The following COL19A1 variants were observed in gnomAD, a reference collection of about 807,000 sequenced individuals.
COL19A1 encodes the protein collagen alpha-1(XIX) chain.
In COL19A1, 159 loss-of-function variants were observed where a neutral mutation model predicts 190.2. The ratio of observed to expected loss-of-function variants is 0.84; its 90% CI spans 0.73 to 0.95. The LOEUF is 0.95. Ranked by LOEUF, COL19A1 falls within the 40% of genes least tolerant of loss-of-function variation. COL19A1 has a pLI of 0.00. For synonymous variants in COL19A1, 509 were observed against 458.9 expected (o/e 1.11, Z -1.39); for missense variants, 1,418 against 1,431.9 (o/e 0.99, Z 0.16).
intron 14 of COL19A1, among the ~76,000 whole-genome samples, chr6:70,058,535 G>A (rs1780640005): frequency 6.6e-6 from 1 of 151,948 alleles, no homozygotes; most frequent in Admixed American, 6.6e-5. Context: ...AGTGTTCCTT[G>A]TTTCACAGAT....
intron 15 of COL19A1, among the ~76,000 whole-genome samples, chr6:70,085,317 G>A (rs546426720): frequency 6.6e-6 from 1 of 152,298 alleles, no homozygotes; most frequent in South Asian, 2.1e-4. Context: ...CCTCAGTGTA[G>A]AGCTGCAGCT....
chr6:70,184,669 G>C, intron 44 of COL19A1, 34 bp from the exon 45 acceptor site: 1 of 1,521,978 alleles, frequency 6.6e-7, no homozygotes, highest in Admixed American at 1.8e-5. Flanking sequence ...TGTTAATGCA[G>C]AGTTAGAAAT....
At chr6:69,918,891 G>A (rs146880346) in intron 4 of COL19A1, among the ~76,000 whole-genome samples, 265 of 152,246 alleles carry the variant, frequency 1.7e-3, no homozygotes, top group Middle Eastern at 3.4e-3. Context: ...ATGTTCTGAC[G>A]CAGCAATATA....
intron 6 of COL19A1, among the ~76,000 whole-genome samples, chr6:69,930,787 A>G (rs1317414025): frequency 6.6e-6 from 1 of 152,218 alleles, no homozygotes; most frequent in Non-Finnish European, 1.5e-5. Context: ...CGACAGAGCA[A>G]GACTTTGTCT....
intron 16 of COL19A1, among the ~76,000 whole-genome samples, chr6:70,110,427 A>G (rs1784220111): frequency 6.6e-6 from 1 of 152,166 alleles, no homozygotes; most frequent in Non-Finnish European, 1.5e-5. Context: ...TAGGAATTTC[A>G]TTTCTTAAAA....
Position 70,130,231 on chromosome 6 carries a change from G to T in COL19A1, c.1383+8G>T, listed in dbSNP as rs956378747. ...GGCCTGAAAGGAGACAAGGTAATCA[G>T]ATTTTTTTTTTTTAGATGGAGTCTT... On this transcript the variant is annotated splice_region_variant and intron_variant, in intron 18 of 50. Transcript: ENST00000620364. 6.2e-7 allele frequency: 1 copy of T among 1,607,806 alleles called. No homozygotes were observed. Among genetic ancestry groups the T allele is most frequent in the Non-Finnish European group, 8.5e-7 (1 of 1,177,674 alleles).
At position 70,211,374 on chromosome 6, in the gene COL19A1, A is replaced by G. The variant is rs1397501965; in HGVS notation, c.*4100A>G. 2.6e-5 allele frequency among the ~76,000 whole-genome samples: 4 copies of G among 151,874 alleles called. No individual in the cohort carries two copies. Among genetic ancestry groups the G allele is most frequent in the Non-Finnish European group, 5.9e-5 (4 of 67,956 alleles). ...TGCTCTTGTTCTTAAATTATTTTTC[A>G]TACTTGTCTGTATCCACCTTCTGAA... On this transcript the variant is annotated 3_prime_UTR_variant, in exon 51 of 51. Transcript: ENST00000620364.
chr6:69,912,012 A>T (rs1269971084), intron 4 of COL19A1, among the ~76,000 whole-genome samples: 1 of 152,184 alleles, frequency 6.6e-6, no homozygotes, highest in Non-Finnish European at 1.5e-5. Flanking sequence ...TTTCTGCCTC[A>T]TAGTTGCCGG....
intron 2 of COL19A1, chr6:69,890,991 C>T: frequency 3.4e-6 from 1 of 292,848 alleles, no homozygotes; most frequent in South Asian, 3.6e-5. Flanking sequence ...CCTTCAGAGG[C>T]CTATCTAAGG....
At chr6:70,108,457 T>C (rs1287182797) in intron 16 of COL19A1, among the ~76,000 whole-genome samples, 1 of 152,068 alleles carries the variant, frequency 6.6e-6, no homozygotes, top group African/African-American at 2.4e-5. Context: ...ACTGTTTCCA[T>C]AGGAAAAGCT....
chr6:70,102,187 GGACC>G lies in COL19A1; in HGVS notation c.1244_1247del (p.Gly415ValfsTer42). On this transcript the variant is annotated frameshift_variant, in exon 16 of 51. Coordinates refer to ENST00000620364, the MANE Select transcript of COL19A1 (RefSeq NM_001858.6). LOFTEE classifies it high-confidence loss of function. ...TTTCAAGGGAAGACGAGGGAAAACA[GGACC>G]TCCCGGAAAACCAGGACCCCCAGGA... 6.2e-7 allele frequency: 1 copy of G among 1,612,662 alleles called. No homozygotes were observed. The highest frequency in any genetic ancestry group is 1.1e-5 in the South Asian group (1 of 91,042).
At chr6:70,083,144 T>C (rs1236459922) in intron 15 of COL19A1, among the ~76,000 whole-genome samples, 1 of 152,240 alleles carries the variant, frequency 6.6e-6, no homozygotes, top group Non-Finnish European at 1.5e-5. Context: ...GGATCATGTC[T>C]TACATTAAAA....
chr6:69,872,573 G>T (rs1767905812), intron 1 of COL19A1, among the ~76,000 whole-genome samples: 1 of 152,180 alleles, frequency 6.6e-6, no homozygotes, highest in Non-Finnish European at 1.5e-5. Context: ...TCAAGAGCTA[G>T]ATTAAGAAAG....
At chr6:69,982,622 C>A (rs903186629) in intron 11 of COL19A1, among the ~76,000 whole-genome samples, 1 of 151,794 alleles carries the variant, frequency 6.6e-6, no homozygotes, top group Non-Finnish European at 1.5e-5. Flanking sequence ...CCTCACCAGG[C>A]TCTTTAAGAT....
intron 8 of COL19A1, among the ~76,000 whole-genome samples, chr6:69,937,733 A>G (rs1773202133): frequency 6.6e-6 from 1 of 152,182 alleles, no homozygotes; most frequent in Non-Finnish European, 1.5e-5. Context: ...CCAATATTGC[A>G]TAGTAAGCTC....
chr6:69,921,050 A>ATATATT (rs1771703877), intron 4 of COL19A1, among the ~76,000 whole-genome samples: 2 of 30,400 alleles, frequency 6.6e-5, no homozygotes, highest in Non-Finnish European at 1.5e-4. Context: ...ATATTCATAG[A>ATATATT]CATATCATAT....
intron 4 of COL19A1, among the ~76,000 whole-genome samples, chr6:69,903,033 G>A (rs1770291009): frequency 6.6e-6 from 1 of 152,174 alleles, no homozygotes; most frequent in South Asian, 2.1e-4. Context: ...ATGGGTCAGT[G>A]ACTAACTAGC....
At chr6:69,943,588 G>A (rs1773608158) in intron 9 of COL19A1, among the ~76,000 whole-genome samples, 1 of 152,082 alleles carries the variant, frequency 6.6e-6, no homozygotes, top group African/African-American at 2.4e-5. Context: ...TTTGCATATG[G>A]TGAGAGATAA....
chr6:70,121,588 G>A (rs2150211555), intron 16 of COL19A1, among the ~76,000 whole-genome samples: 1 of 152,208 alleles, frequency 6.6e-6, no homozygotes, highest in African/African-American at 2.4e-5. Flanking sequence ...GGGTCTTATG[G>A]GTATAATTCC....
Sources: allele counts gnomAD v4.1 joint callset (sites outside exome capture counted in the v4.1 genomes callset), GRCh38; gene constraint gnomAD v4.1.1; transcripts MANE v1.5; gene names NCBI Gene and HGNC (gene_info 2026-07-23, HGNC 2026-07-21).